The following PCDHGA5 variants were observed in gnomAD, a reference collection of about 807,000 sequenced individuals.
PCDHGA5 encodes the protein protocadherin gamma-A5.
A neutral mutation model predicts 56.7 loss-of-function variants in PCDHGA5; 36 were observed. That is an observed-to-expected ratio of 0.64 (90% CI 0.49 to 0.84). The LOEUF (loss-of-function observed/expected upper bound fraction) is 0.84, where lower values mean the gene tolerates loss of function less well. Among genes scored for constraint, PCDHGA5 ranks in the 40% least tolerant of loss-of-function variants. The pLI is 0.00. For missense variants in PCDHGA5, 1,305 were observed against 1,201.5 expected, an observed-to-expected ratio of 1.09 and a Z score of -1.27; for synonymous variants, 563 against 520.2, an observed-to-expected ratio of 1.08 and a Z score of -1.12.
At chr5:141,418,778 T>A (rs1256260275) in intron 1 of PCDHGA5, 1 of 1,613,626 alleles carries the variant, frequency 6.2e-7, no homozygotes, top group East Asian at 2.2e-5. Flanking sequence ...TCAGCAGCCT[T>A]TGGATTTTGA....
chr5:141,407,591 C>T (rs878883569), intron 1 of PCDHGA5, among the ~76,000 whole-genome samples: 1 of 151,680 alleles, frequency 6.6e-6, no homozygotes, highest in Non-Finnish European at 1.5e-5. Flanking sequence ...CTTAATGTCT[C>T]ATCTTAAAAA....
chr5:141,397,571 A>G (rs1205930640), intron 1 of PCDHGA5, among the ~76,000 whole-genome samples: 1 of 152,224 alleles, frequency 6.6e-6, no homozygotes, highest in East Asian at 1.9e-4. Flanking sequence ...GAGAGCAAGA[A>G]CTGTATCATA....
chr5:141,401,189 A>G (rs2094126174), intron 1 of PCDHGA5, among the ~76,000 whole-genome samples: 1 of 152,144 alleles, frequency 6.6e-6, no homozygotes, highest in South Asian at 2.1e-4. Context: ...TAAAAATACA[A>G]AAATTAGCTG....
intron 1 of PCDHGA5, chr5:141,372,050 G>A: frequency 6.2e-7 from 1 of 1,613,506 alleles, no homozygotes; most frequent in Non-Finnish European, 8.5e-7. Context: ...GCGTGTTGGT[G>A]GACGACCGCA....
chr5:141,444,377 G>A (rs1035830834), intron 1 of PCDHGA5, among the ~76,000 whole-genome samples: 3 of 151,802 alleles, frequency 2.0e-5, no homozygotes, highest in Non-Finnish European at 4.4e-5. Context: ...CTCCATGTTG[G>A]TCAGGCTAGT....
rs11575954 is a variant in PCDHGA5 at position 141,376,006 on chromosome 5, C to A, written c.2421+9255C>A. 8.7e-3 allele frequency: 14,039 copies of A among 1,613,452 alleles called. 99 individuals carry two copies. Among genetic ancestry groups the A allele is most frequent in the Middle Eastern group, 0.011 (63 of 5,814 alleles). ...TGGACAGAGACGCGCTCAAGCAGAGCCTAGTGGTGGCCGTCCAGGACCACG... is the reference window on the plus strand; with the variant it reads ...TGGACAGAGACGCGCTCAAGCAGAGACTAGTGGTGGCCGTCCAGGACCACG... On this transcript the variant is annotated intron_variant, in intron 1 of 3. Transcript: ENST00000518069.
At chr5:141,384,945 C>T in intron 1 of PCDHGA5, 2 of 1,614,120 alleles carry the variant, frequency 1.2e-6, no homozygotes, top group Non-Finnish European at 1.7e-6. Context: ...AGCCCTCCGA[C>T]GGTCCTTACA....
At chr5:141,390,649 G>A in intron 1 of PCDHGA5, 1 of 210,770 alleles carries the variant, frequency 4.7e-6, no homozygotes, top group Non-Finnish European at 9.4e-6. Flanking sequence ...TTTTCAGCTT[G>A]GATATACCAT....
chr5:141,432,919 C>T lies in PCDHGA5; in HGVS notation c.2422-61888C>T. ...TGGCGCTCAGGCTGCGGCGCTGGCACAAGTCACGCCTGCTGCAGGCTTCAG... is the reference window on the plus strand; with the variant it reads ...TGGCGCTCAGGCTGCGGCGCTGGCATAAGTCACGCCTGCTGCAGGCTTCAG... On this transcript the variant is annotated intron_variant, in intron 1 of 3. Coordinates refer to ENST00000518069, the MANE Select transcript of PCDHGA5 (RefSeq NM_018918.3). The surrounding 1 kb of genome is among the most constrained non-coding windows in gnomAD (Gnocchi z 6.0). The T allele has an allele frequency of 2.5e-6, 4 of 1,614,210 alleles. No individual in the cohort carries two copies. Among genetic ancestry groups the T allele is most frequent in the Non-Finnish European group, 3.4e-6 (4 of 1,180,040 alleles).
In PCDHGA5 at chr5:141,412,906, T is replaced by C. The variant is rs188124118; in HGVS notation, c.2421+46155T>C. ...ACAGAATAGTTTACTTTCCATTGCA[T>C]GTATCACTTGGGTGCAGTAACTTCT... On this transcript the variant is annotated intron_variant, in intron 1 of 3. Coordinates refer to ENST00000518069, the MANE Select transcript of PCDHGA5 (RefSeq NM_018918.3). 315 of 384,208 alleles carry C rather than the reference T, an allele frequency of 8.2e-4. 2 individuals carry two copies. Among genetic ancestry groups the C allele is most frequent in the African/African-American group, 5.6e-3 (272 of 48,326 alleles). The allele number at this position is 384,208 out of a possible 1,614,324, so 23.8% of individuals were successfully genotyped here. A position where few individuals can be genotyped will look rare whatever the true frequency, so the allele number is the denominator to read the frequency against.
At chr5:141,443,109 C>A (rs373919534) in intron 1 of PCDHGA5, among the ~76,000 whole-genome samples, 2 of 152,100 alleles carry the variant, frequency 1.3e-5, no homozygotes, top group South Asian at 2.1e-4. Flanking sequence ...CTGAACCTTG[C>A]TTTTCAAACC....
intron 1 of PCDHGA5, chr5:141,376,660 T>C (rs1772971230): frequency 1.1e-6 from 1 of 886,650 alleles, no homozygotes; most frequent in African/African-American, 1.8e-5. Flanking sequence ...GACTCCCTTG[T>C]TCAGGTGAGG....
chr5:141,403,927 G>A, intron 1 of PCDHGA5: 3 of 1,613,852 alleles, frequency 1.9e-6, no homozygotes, highest in East Asian at 2.2e-5. Context: ...AAGATGGTGG[G>A]GGATTGAAAG....
In PCDHGA5 at chr5:141,364,395, C is replaced by T. The variant is rs1330798978; in HGVS notation, c.65C>T (p.Thr22Met). 1.9e-6 allele frequency: 3 copies of T among 1,603,432 alleles called. No individual in the cohort carries two copies. Among genetic ancestry groups the T allele is most frequent in the Admixed American group, 1.7e-5 (1 of 58,570 alleles). Reference protein sequence around the residue: ...ELLLPFMLLGTLCEPGSGQIR... With the variant: ...ELLLPFMLLGMLCEPGSGQIR... The stretch of plus-strand genomic sequence containing the variant: ...CTGCTGCCCTTCATGCTCCTGGGGA[C>T]GCTGTGCGAGCCAGGATCCGGGCAG... The change falls in exon 1 of 4, where the codon ACG becomes ATG. Residue 22 changes from threonine (T) to methionine (M), a missense_variant. Transcript: ENST00000518069.
intron 1 of PCDHGA5, chr5:141,393,282 G>A (rs2150516370): frequency 1.2e-6 from 2 of 1,613,980 alleles, no homozygotes; most frequent in Non-Finnish European, 1.7e-6. Context: ...ACTCCCAGAA[G>A]CTGTTGACCC....
intron 1 of PCDHGA5, among the ~76,000 whole-genome samples, chr5:141,443,781 C>CA (rs1227271563): frequency 8.6e-5 from 13 of 150,636 alleles, no homozygotes; most frequent in South Asian, 2.1e-4. Flanking sequence ...ACCAAAAAGA[C>CA]AAAAAAAATG....
At chr5:141,415,185 C>G (rs375113497) in intron 1 of PCDHGA5, 66 of 1,613,860 alleles carry the variant, frequency 4.1e-5, no homozygotes, top group Non-Finnish European at 5.4e-5. Flanking sequence ...CCGTGGCCGA[C>G]AGCATCCCCC....
chr5:141,392,366 G>C (rs956315393), intron 1 of PCDHGA5: 4 of 152,962 alleles, frequency 2.6e-5, no homozygotes, highest in East Asian at 1.9e-4. Context: ...GCTACAATCT[G>C]ATCATTCTGA....
rs566635689 is a variant in PCDHGA5, at chr5:141,469,738, C to G, written c.2422-25069C>G. ...AGGAATTTATCATAAATACACACCT[C>G]AAAAATTACAAAAATACATATATAC... is the stretch of plus-strand genomic sequence containing the variant. On this transcript the variant is annotated intron_variant, in intron 1 of 3. Transcript: ENST00000518069. 6.7e-4 allele frequency among the ~76,000 whole-genome samples: 102 copies of G among 152,292 alleles called. 2 individuals are homozygous for G. Among genetic ancestry groups the G allele is most frequent in the African/African-American group, 2.4e-3 (99 of 41,552 alleles).
Sources: allele counts gnomAD v4.1 joint callset (sites outside exome capture counted in the v4.1 genomes callset), GRCh38; gene constraint gnomAD v4.1.1; non-coding constraint Gnocchi (gnomAD v3.1); transcripts MANE v1.5; gene names NCBI Gene and HGNC (gene_info 2026-07-23, HGNC 2026-07-21).